Variants in SELENON observed in about 807,000 individuals in gnomAD.
SELENON encodes the protein selenoprotein N.
SELENON carries 44 observed loss-of-function variants against 59.5 expected under a neutral mutation model. The ratio of observed to expected loss-of-function variants is 0.74; its 90% CI spans 0.58 to 0.95. The LOEUF (loss-of-function observed/expected upper bound fraction) is 0.95. Among genes scored for constraint, SELENON ranks in the 40% least tolerant of loss-of-function variants. The pLI, the probability that SELENON is intolerant of heterozygous loss-of-function variation, is 0.00. For synonymous variants in SELENON, 320 were observed against 305.6 expected (o/e 1.05, Z -0.49); for missense variants, 674 against 721.4 (o/e 0.93, Z 0.75).
At position 25,815,753 on chromosome 1, in the gene SELENON, C is replaced by T. The variant is rs373490430; in HGVS notation, c.*35C>T. 4.0e-5 allele frequency: 64 copies of T among 1,608,562 alleles called. No homozygotes were observed. Among genetic ancestry groups the T allele is most frequent in the African/African-American group, 1.2e-4 (9 of 75,026 alleles). ...ACGGGATCTGATGCACAGGCCCCCA[C>T]GCCTCAGAGCCAGAGTGGTCCTCAG... On this transcript the variant is annotated 3_prime_UTR_variant, in exon 13 of 13. Transcript: ENST00000361547.
intron 3 of SELENON, 42 bp from the exon 3 acceptor site, chr1:25,805,100 G>A (rs1046038606): frequency 1.9e-6 from 3 of 1,610,828 alleles, no homozygotes; most frequent in African/African-American, 1.3e-5. Context: ...GGTGAGCCCT[G>A]TAGCATAAGG....
rs1456181012 is a variant in SELENON at position 25,813,922 on chromosome 1, C to G, written c.1429C>G (p.Pro477Ala). The change falls in exon 11 of 13, where the codon CCC becomes GCC. Residue 477 changes from proline to alanine, a missense_variant. Pro to Ala is a conservative substitution (Grantham distance 27, BLOSUM62 -1). Coordinates refer to ENST00000361547, the MANE Select transcript of SELENON (RefSeq NM_020451.3). ...CCGGGAGACTGTCCTGGAAAGTTCG[C>G]CCATCCTCACCCTGCTCAACGAGAG... 1 of 1,613,984 alleles carries G rather than the reference C, an allele frequency of 6.2e-7. No homozygotes were observed. Among genetic ancestry groups the G allele is most frequent in the African/African-American group, 1.3e-5 (1 of 74,908 alleles).
Position 25,800,217 on chromosome 1 carries a change from C to T in SELENON, c.-14C>T, listed in dbSNP as rs867555591. ...CGCTTCCCGGGCCGCCGGCAGCCGCCGCCAGCCGCAGCCATGGGCCGGGCC... is the reference window on the plus strand; with the variant it reads ...CGCTTCCCGGGCCGCCGGCAGCCGCTGCCAGCCGCAGCCATGGGCCGGGCC... On this transcript the variant is annotated 5_prime_UTR_variant, in exon 1 of 13. Coordinates refer to ENST00000361547, the MANE Select transcript of SELENON (RefSeq NM_020451.3). The T allele has an allele frequency of 4.9e-5, 33 of 672,750 alleles. No homozygotes were observed. Among genetic ancestry groups the T allele is most frequent in the East Asian group, 1.4e-4 (1 of 7,336 alleles). 41.7% of individuals were successfully genotyped at this position (672,750 alleles called of 1,614,324 possible). A position where few individuals can be genotyped will look rare whatever the true frequency, so the allele number is the denominator to read the frequency against.
intron 3 of SELENON, among the ~76,000 whole-genome samples, chr1:25,804,062 T>C (rs1209912926): frequency 6.6e-6 from 1 of 152,236 alleles, no homozygotes; most frequent in Non-Finnish European, 1.5e-5. Context: ...GGCTTACTAA[T>C]AACCCTGCAT....
chr1:25,814,069 C>A lies in SELENON; in HGVS notation c.1501-8C>A, dbSNP rs2047989382. 1 of 1,613,164 alleles carries A rather than the reference C, an allele frequency of 6.2e-7. No homozygotes were observed. On this transcript the variant is annotated splice_polypyrimidine_tract_variant and splice_region_variant and intron_variant, in intron 11 of 12. Coordinates refer to ENST00000361547, the MANE Select transcript of SELENON (RefSeq NM_020451.3). ...CGCGGCATCAGGAGTGTGCAACTGT[C>A]CCCACAGAACAACCAGGAGAACTCG...
chr1:25,800,731 A>G (rs2047853944), intron 1 of SELENON, among the ~76,000 whole-genome samples: 2 of 151,562 alleles, frequency 1.3e-5, no homozygotes, highest in Non-Finnish European at 2.9e-5. Context: ...GCCCTGGGAC[A>G]GTGAGGAGGG....
In SELENON at chr1:25,815,425, A is replaced by G. The variant is rs990902703; in HGVS notation, c.1603-123A>G. 6 of 828,016 alleles carry G rather than the reference A, an allele frequency of 7.2e-6. No homozygotes were observed. In the Admixed American group the frequency reaches 1.2e-4, roughly 16 times the overall value. The allele number at this position is 828,016 out of a possible 1,614,324, so 51.3% of individuals were successfully genotyped here. ...CTTACGGCAGCACTGCCTGCCCACC[A>G]TCCACCTCAGACAAGGACAGTCAAG... On this transcript the variant is annotated intron_variant, in intron 12 of 12. Transcript: ENST00000361547.
chr1:25,814,522 G>A (rs2124455617), intron 12 of SELENON, among the ~76,000 whole-genome samples: 1 of 152,294 alleles, frequency 6.6e-6, no homozygotes, highest in South Asian at 2.1e-4. Context: ...GCCAGGCCTT[G>A]TGACAGAGAC....
intron 3 of SELENON, among the ~76,000 whole-genome samples, chr1:25,804,658 G>T (rs867964975): frequency 2.7e-5 from 1 of 36,864 alleles, no homozygotes; most frequent in Admixed American, 3.2e-4. Flanking sequence ...CCCCCCCCCC[G>T]CCGCAAAAAA....
chr1:25,808,572 C>G lies in SELENON; in HGVS notation c.538-8C>G, dbSNP rs538835367. 2.5e-6 allele frequency: 4 copies of G among 1,613,024 alleles called. No individual in the cohort carries two copies. Among genetic ancestry groups the G allele is most frequent in the East Asian group, 2.2e-5 (1 of 44,878 alleles). The stretch of plus-strand genomic sequence containing the variant: ...AGATTCCTGGAGCTTTGCTTTCCCC[C>G]GCCCCAGGTCTCCCGCCTCGCCCTG... On this transcript the variant is annotated splice_region_variant and splice_polypyrimidine_tract_variant and intron_variant, in intron 4 of 12. Transcript: ENST00000361547.
At chr1:25,809,212 G>T in intron 6 of SELENON, 62 bp downstream of exon 5, 1 of 1,609,998 alleles carries the variant, frequency 6.2e-7, no homozygotes, top group South Asian at 1.1e-5. Context: ...AGCGCCCAGA[G>T]GGGAGGGCCC....
In SELENON at chr1:25,801,672, CA is replaced by C. The variant is rs367849305; in HGVS notation, c.302-341del. On this transcript the variant is annotated intron_variant, in intron 2 of 12. Coordinates refer to ENST00000361547, the MANE Select transcript of SELENON (RefSeq NM_020451.3). ...GAGACCCTGTCTCAAAACAAACAAA[CA>C]AAGCAAAACCAAAAAAACAAAAAAA... Among the ~76,000 whole-genome samples, 182 of 134,598 alleles carry C rather than the reference CA, an allele frequency of 1.4e-3. 1 individual carries two copies. Among genetic ancestry groups the C allele is most frequent in the African/African-American group, 4.4e-3 (162 of 37,008 alleles). The allele number at this position is 134,598 out of a possible 152,430, so 88.3% of individuals were successfully genotyped here.
chr1:25,810,192 T>G (rs2047946545), intron 7 of SELENON, among the ~76,000 whole-genome samples: 1 of 151,870 alleles, frequency 6.6e-6, no homozygotes, highest in Non-Finnish European at 1.5e-5. Flanking sequence ...GACCCAGCTG[T>G]GGGGTCCAGG....
In SELENON at chr1:25,804,258, G is replaced by A. The variant is rs566372384; in HGVS notation, c.404-884G>A. On this transcript the variant is annotated intron_variant, in intron 3 of 12. Coordinates refer to ENST00000361547, the MANE Select transcript of SELENON (RefSeq NM_020451.3). ...CTGCAGATTCTCATTCAGTAGGTCTGAGGTGGGTTGTGAGCATCTGTAGTT... is the reference window on the plus strand; with the variant it reads ...CTGCAGATTCTCATTCAGTAGGTCTAAGGTGGGTTGTGAGCATCTGTAGTT... Among the ~76,000 whole-genome samples the A allele has an allele frequency of 1.6e-3, 248 of 152,268 alleles. 2 individuals carry two copies. Among genetic ancestry groups the A allele is most frequent in the African/African-American group, 5.8e-3 (239 of 41,548 alleles).
intron 8 of SELENON, 40 bp downstream of exon 7, chr1:25,811,575 G>A: frequency 1.2e-6 from 2 of 1,608,102 alleles, no homozygotes; most frequent in Non-Finnish European, 8.5e-7. Context: ...GGGCTCGGCT[G>A]CAGGGCCCCG....
intron 10 of SELENON, among the ~76,000 whole-genome samples, chr1:25,813,158 T>C (rs57279717): frequency 0.021 from 3,195 of 152,274 alleles, 93 homozygotes; most frequent in African/African-American, 0.073. Flanking sequence ...AAGTGTTATA[T>C]ACGTGTAAGA....
At chr1:25,813,619 A>T (rs772577932) in intron 10 of SELENON, 5 of 568,196 alleles carry the variant, frequency 8.8e-6, no homozygotes, top group South Asian at 7.7e-5. Flanking sequence ...CAGAGCGTTC[A>T]TTGGATTTAA....
chr1:25,809,905 G>T, intron 7 of SELENON, 85 bp downstream of exon 6: 1 of 1,535,572 alleles, frequency 6.5e-7, no homozygotes, highest in Non-Finnish European at 8.9e-7. Flanking sequence ...GGCCTCTTCT[G>T]TCTCTGCCCC....
chr1:25,811,594 C>T, intron 8 of SELENON, 59 bp downstream of exon 7: 1 of 1,605,722 alleles, frequency 6.2e-7, no homozygotes, highest in African/African-American at 1.3e-5. Context: ...CGCCCTCCCT[C>T]TGCAATGAGT....
Sources: allele counts gnomAD v4.1 joint callset (sites outside exome capture counted in the v4.1 genomes callset), GRCh38; gene constraint gnomAD v4.1.1; transcripts MANE v1.5; gene names NCBI Gene and HGNC (gene_info 2026-07-23, HGNC 2026-07-21).